NPTX2: variants seen among roughly 807,000 people sequenced by gnomAD.
NPTX2 encodes the protein neuronal pentraxin-2.
NPTX2 carries 23 observed loss-of-function variants against 38.1 expected under a neutral mutation model. That is an observed-to-expected ratio of 0.60 (90% confidence interval 0.43 to 0.85). The LOEUF is 0.85. NPTX2 is among the 40% of genes least tolerant of loss of function. The pLI is 0.00. For missense variants in NPTX2, 553 were observed against 615.3 expected (o/e 0.90, Z 1.07); for synonymous variants, 291 against 287.3 (o/e 1.01, Z -0.13).
Position 98,628,956 on chromosome 7 carries a change from G to A in NPTX2, c.*327G>A, listed in dbSNP as rs990512923. ...CTTCAGAGCCCCTGTAAATGCTATC[G>A]CAGCCTGAGTCCTGCCGCCTTCCAG... On this transcript the variant is annotated 3_prime_UTR_variant, in exon 5 of 5. Coordinates refer to ENST00000265634, the MANE Select transcript of NPTX2 (RefSeq NM_002523.3). The A allele has an allele frequency of 4.1e-6, 1 of 244,936 alleles. No individual in the cohort carries two copies. 15.2% of individuals were successfully genotyped at this position (244,936 alleles called of 1,614,324 possible).
At chr7:98,625,324 C>A (rs556004390) in intron 3 of NPTX2, among the ~76,000 whole-genome samples, 158 bp downstream of exon 3, 7 of 152,282 alleles carry the variant, frequency 4.6e-5, no homozygotes, top group Admixed American at 1.3e-4. Flanking sequence ...GATAGCTTTG[C>A]ACACGCCGGG....
chr7:98,620,360 C>T (rs1472043197), intron 2 of NPTX2, among the ~76,000 whole-genome samples: 3 of 152,130 alleles, frequency 2.0e-5, no homozygotes, highest in Admixed American at 6.5e-5. Flanking sequence ...CCCATGACTC[C>T]GTTTCATGCA....
At chr7:98,625,222 C>G in intron 3 of NPTX2, 56 bp downstream of exon 3, 1 of 1,535,692 alleles carries the variant, frequency 6.5e-7, no homozygotes, top group East Asian at 2.3e-5. Context: ...GTGGAGGGAG[C>G]CACAGCCCCC....
intron 1 of NPTX2, 50 bp downstream of exon 1, chr7:98,617,937 G>C (rs1269259732): frequency 1.7e-5 from 26 of 1,514,400 alleles, no homozygotes; most frequent in Non-Finnish European, 2.3e-5. Flanking sequence ...ACGCTCCCGA[G>C]TCGGGGGCGG....
intron 2 of NPTX2, among the ~76,000 whole-genome samples, chr7:98,622,095 C>T (rs1057273603): frequency 1.3e-5 from 2 of 152,192 alleles, no homozygotes; most frequent in Non-Finnish European, 2.9e-5. Flanking sequence ...CAGGCACTGC[C>T]CAGCTCAGTG....
At chr7:98,623,004 C>T (rs945878765) in intron 2 of NPTX2, among the ~76,000 whole-genome samples, 4 of 152,220 alleles carry the variant, frequency 2.6e-5, no homozygotes, top group African/African-American at 9.6e-5. Flanking sequence ...GTGTATTATT[C>T]ACTCTGAGGG....
At chr7:98,626,592 G>A (rs1562851218) in intron 3 of NPTX2, among the ~76,000 whole-genome samples, 1 of 152,206 alleles carries the variant, frequency 6.6e-6, no homozygotes. Context: ...TAGGAGACCA[G>A]CAGCAACAAC....
intron 1 of NPTX2, among the ~76,000 whole-genome samples, chr7:98,619,428 A>G (rs1376631266): frequency 1.3e-5 from 2 of 152,218 alleles, no homozygotes; most frequent in Non-Finnish European, 2.9e-5. Context: ...TAGATTCACA[A>G]GTTTCAAATA....
Position 98,628,726 on chromosome 7 carries a change from C to T in NPTX2, c.*97C>T, listed in dbSNP as rs940774718. 3.3e-6 allele frequency: 2 copies of T among 603,194 alleles called. No homozygotes were observed. The highest frequency in any genetic ancestry group is 3.7e-5 in the African/African-American group (2 of 54,040). The allele number at this position is 603,194 out of a possible 1,614,324, so 37.4% of individuals were successfully genotyped here. A position where few individuals can be genotyped will look rare whatever the true frequency, so the allele number is the denominator to read the frequency against. On this transcript the variant is annotated 3_prime_UTR_variant, in exon 5 of 5. Transcript: ENST00000265634. ...ACTTAAACTCTTGTCAGTCTGGGCT[C>T]AGGGTTCCCAGAGCTCATTCCCCAG... is the stretch of plus-strand genomic sequence containing the variant.
chr7:98,625,769 C>G (rs911170978), intron 3 of NPTX2, among the ~76,000 whole-genome samples: 1 of 151,878 alleles, frequency 6.6e-6, no homozygotes, highest in Non-Finnish European at 1.5e-5. Context: ...CCATTGCTGA[C>G]CTGTTATGTA....
At chr7:98,622,131 A>G (rs1791280376) in intron 2 of NPTX2, among the ~76,000 whole-genome samples, 1 of 152,150 alleles carries the variant, frequency 6.6e-6, no homozygotes, top group African/African-American at 2.4e-5. Flanking sequence ...CTGCTGAGAA[A>G]ACCAAAGCTG....
chr7:98,628,528 C>G lies in NPTX2; in HGVS notation c.1195C>G (p.Pro399Ala). The G allele has an allele frequency of 1.2e-6, 2 of 1,610,866 alleles. No homozygotes were observed. The highest frequency in any genetic ancestry group is 1.7e-6 in the Non-Finnish European group (2 of 1,177,746). Residue 399 changes from proline to alanine, a missense_variant, in exon 5 of 5, where the codon CCG becomes GCG. Transcript: ENST00000265634. ...VNIANCSTNMPGNIIPWVDNN... is the reference protein window; with the variant it reads ...VNIANCSTNMAGNIIPWVDNN... ...CATCGCCAACTGCTCCACAAACATG[C>G]CGGGCAACATCATCCCGTGGGTGGA...
chr7:98,618,160 A>G (rs1311376886), intron 1 of NPTX2, among the ~76,000 whole-genome samples: 1 of 152,110 alleles, frequency 6.6e-6, no homozygotes. Context: ...TCCGCCGAGC[A>G]CTTCCCGAGG....
At chr7:98,624,083 A>G (rs917782469) in intron 2 of NPTX2, among the ~76,000 whole-genome samples, 1 of 152,104 alleles carries the variant, frequency 6.6e-6, no homozygotes, top group Non-Finnish European at 1.5e-5. Context: ...CAGCCTCCTG[A>G]GTAGGTGGAA....
Position 98,617,335 on chromosome 7 carries a change from T to C in NPTX2, c.-127T>C, listed in dbSNP as rs1461790846. On this transcript the variant is annotated 5_prime_UTR_variant, in exon 1 of 5. Transcript: ENST00000265634. ...CGGCTGTGAGACGGCAGGAGACTTC[T>C]GCCCCGCGGTGCACGCGACCCTCGA... The C allele has an allele frequency of 6.8e-6, 2 of 292,668 alleles. No homozygotes were observed. The allele number at this position is 292,668 out of a possible 1,614,324, so 18.1% of individuals were successfully genotyped here. A position where few individuals can be genotyped will look rare whatever the true frequency, so the allele number is the denominator to read the frequency against.
intron 2 of NPTX2, 152 bp downstream of exon 2, chr7:98,620,011 A>G (rs1451523189): frequency 1.0e-4 from 69 of 690,850 alleles, no homozygotes; most frequent in Non-Finnish European, 1.6e-4. Context: ...GCGACTGAAC[A>G]AGGTCATCTC....
chr7:98,624,813 C>A, intron 2 of NPTX2, 109 bp from the exon 3 acceptor site: 1 of 1,368,532 alleles, frequency 7.3e-7, no homozygotes, highest in Non-Finnish European at 1.0e-6. Context: ...TCCATCAAGG[C>A]TGTGTGAGGG....
At chr7:98,621,421 T>G (rs984574395) in intron 2 of NPTX2, among the ~76,000 whole-genome samples, 7 of 152,204 alleles carry the variant, frequency 4.6e-5, no homozygotes, top group Non-Finnish European at 8.8e-5. Context: ...CATCCCACCG[T>G]GGGAACTCTA....
Position 98,628,869 on chromosome 7 carries a change from C to T in NPTX2, c.*240C>T. The T allele has an allele frequency of 2.5e-6, 1 of 397,268 alleles. No individual in the cohort carries two copies. The highest frequency in any genetic ancestry group is 4.5e-6 in the Non-Finnish European group (1 of 223,366). 24.6% of individuals were successfully genotyped at this position (397,268 alleles called of 1,614,324 possible). On this transcript the variant is annotated 3_prime_UTR_variant, in exon 5 of 5. Coordinates refer to ENST00000265634, the MANE Select transcript of NPTX2 (RefSeq NM_002523.3). The stretch of plus-strand genomic sequence containing the variant: ...CCCTGGGAAGATGCCCCCAAGACAC[C>T]TGCCCCAAGTGGGTGGATATCTGCC...
Sources: allele counts gnomAD v4.1 joint callset (sites outside exome capture counted in the v4.1 genomes callset), GRCh38; gene constraint gnomAD v4.1.1; transcripts MANE v1.5; gene names NCBI Gene and HGNC (gene_info 2026-07-23, HGNC 2026-07-21).